Variants in CD163L1 observed in about 807,000 individuals in gnomAD.
CD163L1 encodes CD163 molecule like 1, also known as scavenger receptor cysteine-rich type 1 protein M160.
Under a neutral mutation model 165.4 loss-of-function variants are expected in CD163L1, and 124 were observed. The observed-to-expected ratio is 0.75, with a 90% confidence interval of 0.65 to 0.87. The LOEUF (loss-of-function observed/expected upper bound fraction) is 0.87, where lower values mean the gene tolerates loss of function less well. Among genes scored for constraint, CD163L1 ranks in the 40% least tolerant of loss-of-function variants. CD163L1 has a pLI of 0.00. For missense variants in CD163L1, 1,525 were observed against 1,799.9 expected (o/e 0.85, Z 2.76); for synonymous variants, 585 against 662.2 (o/e 0.88, Z 1.79).
intron 18 of CD163L1, among the ~76,000 whole-genome samples, chr12:7,358,000 T>G (rs1946813543): frequency 6.6e-6 from 1 of 152,078 alleles, no homozygotes; most frequent in Non-Finnish European, 1.5e-5. Flanking sequence ...ATGAAGCCTG[T>G]AAGAAGCTTG....
At chr12:7,378,472 T>C (rs2136439799) in intron 9 of CD163L1, among the ~76,000 whole-genome samples, 1 of 152,306 alleles carries the variant, frequency 6.6e-6, no homozygotes, top group East Asian at 1.9e-4. Context: ...TCCTACTCCA[T>C]AAATAACCTT....
intron 2 of CD163L1, chr12:7,439,240 G>GT (rs1185462716): frequency 6.4e-7 from 1 of 1,571,182 alleles, no homozygotes; most frequent in Non-Finnish European, 8.6e-7. Flanking sequence ...TTCTTTTTTT[G>GT]TTTTTCTATT....
chr12:7,372,565 AC>A lies in CD163L1; in HGVS notation c.3730+754del, dbSNP rs1947166998. On this transcript the variant is annotated intron_variant, in intron 14 of 19. Transcript: ENST00000313599. This position sits in a 1 kb window ranked among gnomAD's most constrained non-coding sequence, Gnocchi z 4.2. ...TGAAATTAGAATATATTTACAGTAT[AC>A]TTTTACATATAAAAGTAGGATACAG... is the stretch of plus-strand genomic sequence containing the variant. Among the ~76,000 whole-genome samples the A allele has an allele frequency of 6.6e-6, 1 of 151,926 alleles. No homozygotes were observed. Among genetic ancestry groups the A allele is most frequent in the Admixed American group, 6.5e-5 (1 of 15,268 alleles).
chr12:7,370,713 CTT>C (rs1374414431), intron 14 of CD163L1, among the ~76,000 whole-genome samples: 6 of 152,110 alleles, frequency 3.9e-5, no homozygotes, highest in Non-Finnish European at 8.8e-5. Flanking sequence ...CGTGTTAACT[CTT>C]TTCTCTCTCT....
At chr12:7,361,944 T>C (rs1946901376) in intron 18 of CD163L1, among the ~76,000 whole-genome samples, 1 of 151,856 alleles carries the variant, frequency 6.6e-6, no homozygotes, top group Admixed American at 6.6e-5. Flanking sequence ...GAAACTACCA[T>C]TCTACTTTCT....
chr12:7,372,130 C>A lies in CD163L1; in HGVS notation c.3730+1190G>T, dbSNP rs189839723. ...AATAATGTCCATATCCACTACTAAC[C>A]AAACCCATGCAAATTATGTTGATTT... is the stretch of plus-strand genomic sequence containing the variant. On this transcript the variant is annotated intron_variant, in intron 14 of 19. Transcript: ENST00000313599. This position sits in a 1 kb window ranked among gnomAD's most constrained non-coding sequence, Gnocchi z 4.2. 4.6e-5 allele frequency among the ~76,000 whole-genome samples: 7 copies of A among 151,988 alleles called. No homozygotes were observed. The highest frequency in any genetic ancestry group is 1.0e-4 in the Non-Finnish European group (7 of 67,898).
At chr12:7,322,294 G>C in the CD163L1 span, 1 of 1,347,854 alleles carries the variant, frequency 7.4e-7, no homozygotes, top group East Asian at 2.3e-5. Flanking sequence ...AGTATTTGTT[G>C]AATGAACTTT....
intron 4 of CD163L1, among the ~76,000 whole-genome samples, chr12:7,349,111 T>C (rs920129628): frequency 4.6e-5 from 7 of 152,112 alleles, no homozygotes; most frequent in African/African-American, 1.7e-4. Context: ...TGAATGTCTC[T>C]ACGGAAATAT....
chr12:7,411,607 G>T (rs1948139348), intron 4 of CD163L1, among the ~76,000 whole-genome samples: 1 of 152,232 alleles, frequency 6.6e-6, no homozygotes, highest in African/African-American at 2.4e-5. Context: ...TTGGCCTTCT[G>T]CCATGATTGT....
At chr12:7,440,129 C>T (rs1948804238) in intron 2 of CD163L1, 1 of 704,874 alleles carries the variant, frequency 1.4e-6, no homozygotes, top group South Asian at 1.8e-5. Flanking sequence ...GCCGCGCCAG[C>T]GTGGCCACGT....
At chr12:7,336,026 GT>G in the CD163L1 span, among the ~76,000 whole-genome samples, 1 of 145,454 alleles carries the variant, frequency 6.9e-6, no homozygotes, top group Admixed American at 7.0e-5. Context: ...TGGAGAGGAT[GT>G]GGAGAAATAG....
rs1220941064 is a variant in CD163L1 at position 7,374,955 on chromosome 12, T to A, written c.3002-32A>T. On this transcript the variant is annotated intron_variant, in intron 11 of 19. Coordinates refer to ENST00000313599, the MANE Select transcript of CD163L1 (RefSeq NM_174941.6). The surrounding 1 kb of genome is among the most constrained non-coding windows in gnomAD (Gnocchi z 5.4). ...GAGGGTGCAGGAAATGGGGCAAAAG[T>A]AAGACCAAAATACATGGAAAAGGTT... 6.3e-7 allele frequency: 1 copy of A among 1,584,414 alleles called. No individual in the cohort carries two copies. The highest frequency in any genetic ancestry group is 1.7e-5 in the Admixed American group (1 of 59,972).
Position 7,375,471 on chromosome 12 carries a change from T to A in CD163L1, c.2811A>T (p.Leu937=), listed in dbSNP as rs767578617. 1.1e-5 allele frequency: 17 copies of A among 1,614,076 alleles called. No individual in the cohort carries two copies. Among genetic ancestry groups the A allele is most frequent in the African/African-American group, 2.7e-5 (2 of 74,942 alleles). The part of the protein sequence containing the change: ...THWDPEDARV[L]CRQLSCGTAL... ...CAGTCCCACAGCTGAGCTGTCTGCATAGAACACGGGCATCTTCTGGGTCCC... is the reference window on the plus strand; with the variant it reads ...CAGTCCCACAGCTGAGCTGTCTGCAAAGAACACGGGCATCTTCTGGGTCCC... Residue 937 remains leucine, a synonymous_variant, in exon 11 of 20, where the codon CTA becomes CTT. Transcript: ENST00000313599.
chr12:7,382,274 GAGA>G (rs1315748382), intron 8 of CD163L1, among the ~76,000 whole-genome samples: 11 of 152,132 alleles, frequency 7.2e-5, no homozygotes, highest in Admixed American at 4.6e-4. Flanking sequence ...TGATTATGGA[GAGA>G]AGAACTTTCC....
intron 4 of CD163L1, among the ~76,000 whole-genome samples, chr12:7,421,793 T>C (rs1948445502): frequency 6.7e-6 from 1 of 149,188 alleles, no homozygotes; most frequent in Non-Finnish European, 1.5e-5. Flanking sequence ...GTGAAGTAAC[T>C]CAGGAATGGA....
chr12:7,434,890 G>C (rs971624422), intron 2 of CD163L1, among the ~76,000 whole-genome samples: 5 of 152,068 alleles, frequency 3.3e-5, no homozygotes, highest in African/African-American at 9.7e-5. Context: ...GTGTGGTCTT[G>C]CCTATACTAT....
rs1555204506 is a variant in CD163L1 at position 7,437,239 on chromosome 12, T to TTTAAATAAATA, written c.125-3546_125-3545insTATTTATTTAA. Among the ~76,000 whole-genome samples the TTTAAATAAATA allele has an allele frequency of 4.5e-3, 423 of 94,636 alleles. 15 individuals are homozygous for TTTAAATAAATA. Among genetic ancestry groups the TTTAAATAAATA allele is most frequent in the African/African-American group, 0.018 (404 of 22,638 alleles). The allele number at this position is 94,636 out of a possible 152,430, so 62.1% of individuals were successfully genotyped here. A position where few individuals can be genotyped will look rare whatever the true frequency, so the allele number is the denominator to read the frequency against. ...TTAATAGTATTTAAAAGTATTTACT[T>TTTAAATAAATA]TTAAATAGTATTTAAATAGTATTTA... On this transcript the variant is annotated intron_variant, in intron 2 of 19. Transcript: ENST00000313599.
chr12:7,336,963 C>A, the CD163L1 span, among the ~76,000 whole-genome samples: 4 of 152,030 alleles, frequency 2.6e-5, no homozygotes, highest in Non-Finnish European at 5.9e-5. Context: ...GTAATGGTAC[C>A]AAAACAGATA....
chr12:7,429,223 G>T (rs906954241), intron 4 of CD163L1, among the ~76,000 whole-genome samples: 3 of 151,800 alleles, frequency 2.0e-5, no homozygotes, highest in African/African-American at 7.3e-5. Context: ...ATTCTTAGGG[G>T]CTATTATGAC....
Sources: gnomAD v4.1 joint callset for allele counts (sites outside exome capture counted in the v4.1 genomes callset) on GRCh38, gnomAD v4.1.1 for gene constraint, Gnocchi (gnomAD v3.1) non-coding constraint, MANE v1.5 for transcripts, NCBI Gene and HGNC (gene_info 2026-07-23, HGNC 2026-07-21) for gene names.